Variants in GCN1 observed in about 807,000 individuals in gnomAD.
GCN1 encodes GCN1 activator of EIF2AK4.
A neutral mutation model predicts 288.4 loss-of-function variants in GCN1; 90 were observed. That is an observed-to-expected ratio of 0.31 (90% CI 0.26 to 0.37). The LOEUF (loss-of-function observed/expected upper bound fraction) is 0.37. Ranked by LOEUF, GCN1 falls within the 10% of genes least tolerant of loss-of-function variation. The probability of loss-of-function intolerance (pLI) is 1.00; values close to 1 mark genes in which losing one functional copy is unlikely to be tolerated. For missense variants in GCN1, 2,586 were observed against 3,419.9 expected (o/e 0.76, Z 6.08); for synonymous variants, 1,386 against 1,420.2 (o/e 0.98, Z 0.54).
chr12:120,146,192 A>G (rs926061403), intron 38 of GCN1, among the ~76,000 whole-genome samples: 14 of 149,562 alleles, frequency 9.4e-5, no homozygotes, highest in Non-Finnish European at 1.9e-4. Flanking sequence ...GCTTGAACCC[A>G]GGCGGCAGAG....
chr12:120,175,981 CA>C, intron 10 of GCN1, 107 bp from the exon 11 acceptor site: 3 of 1,439,488 alleles, frequency 2.1e-6, no homozygotes, highest in Non-Finnish European at 2.9e-6. Flanking sequence ...TGTTTGCTCT[CA>C]TTCAAATAAT....
rs964878315 is a variant in GCN1, at chr12:120,151,329, T to C, written c.4125A>G (p.Gly1375=). The change falls in exon 34 of 58, where the codon GGA becomes GGG. Residue 1375 remains glycine (G), a synonymous_variant. Coordinates refer to ENST00000300648, the MANE Select transcript of GCN1 (RefSeq NM_006836.2). ...PLVPAIKEDA[G]GMIQRLMQQL... is the part of the protein sequence containing the mutation. ...GCTGCATAAGCCTCTGGATCATCCC[T>C]CCAGCATCCTCCTTGATGGCTGGCA... 2 of 1,613,870 alleles carry C rather than the reference T, an allele frequency of 1.2e-6. No individual in the cohort carries two copies. Among genetic ancestry groups the C allele is most frequent in the Non-Finnish European group, 1.7e-6 (2 of 1,179,934 alleles).
At chr12:120,186,498 G>T (rs1247297852) in intron 2 of GCN1, among the ~76,000 whole-genome samples, 1 of 152,224 alleles carries the variant, frequency 6.6e-6, no homozygotes, top group Non-Finnish European at 1.5e-5. Context: ...AACCTGCAGT[G>T]TAAGACAGAC....
At position 120,153,339 on chromosome 12, in the gene GCN1, A is replaced by G. The variant is rs12312562; in HGVS notation, c.3936T>C (p.Tyr1312=). 287,271 of 1,613,882 alleles carry G rather than the reference A, an allele frequency of 0.18. 32,998 individuals are homozygous for G. The highest frequency in any genetic ancestry group is 0.54 in the East Asian group (24,250 of 44,880). The change falls in exon 33 of 58, where the codon TAT becomes TAC. Residue 1312 remains tyrosine (Y), a synonymous_variant. Transcript: ENST00000300648. The surrounding 1 kb of genome is among the most constrained non-coding windows in gnomAD (Gnocchi z 4.4). ...FLKNAPNDAS[Y]DAVRQSVVVL... ...CCACCACACTCTGTCGCACAGCATC[A>G]TAGCTGGCATCATTGGGCGCGTTCT... is the stretch of plus-strand genomic sequence containing the variant.
At position 120,149,679 on chromosome 12, in the gene GCN1, A is replaced by G. The variant is rs561407072; in HGVS notation, c.4473T>C (p.Ser1491=). The G allele has an allele frequency of 1.9e-6, 3 of 1,614,048 alleles. No individual in the cohort carries two copies. In the East Asian group the frequency reaches 6.7e-5, roughly 36 times the overall value. ...DCAKAVMSNL[S]AHGVKLVLPS... is the part of the protein sequence containing the mutation. ...GGAGCACCAGCTTCACCCCGTGAGC[A>G]CTCAAGTTGCTCATCACAGCCTTGG... Residue 1491 remains serine (S), a synonymous_variant, in exon 36 of 58, where the codon AGT becomes AGC. Coordinates refer to ENST00000300648, the MANE Select transcript of GCN1 (RefSeq NM_006836.2).
chr12:120,137,425 G>A lies in GCN1; in HGVS notation c.6664-106C>T, dbSNP rs1877044535. On this transcript the variant is annotated intron_variant, in intron 49 of 57. Transcript: ENST00000300648. This position sits in a 1 kb window ranked among gnomAD's most constrained non-coding sequence, Gnocchi z 5.2. ...CGGGAGTATAAACAAGACTTGCCAC[G>A]AGTGGGTAAACGCCGAAGCTGAGTG... 11 of 1,397,722 alleles carry A rather than the reference G, an allele frequency of 7.9e-6. No individual in the cohort carries two copies. The highest frequency in any genetic ancestry group is 2.3e-5 in the South Asian group (2 of 85,238). The allele number at this position is 1,397,722 out of a possible 1,614,324, so 86.6% of individuals were successfully genotyped here.
chr12:120,137,346 G>C lies in GCN1; in HGVS notation c.6664-27C>G. ...TGCAGGAATCCAGGAAAAAGCGAGAGGATGTACAGCCCTCTCAAGACTGCT... is the reference window on the plus strand; with the variant it reads ...TGCAGGAATCCAGGAAAAAGCGAGACGATGTACAGCCCTCTCAAGACTGCT... On this transcript the variant is annotated intron_variant, in intron 49 of 57. Transcript: ENST00000300648. This position sits in a 1 kb window ranked among gnomAD's most constrained non-coding sequence, Gnocchi z 5.2. 6.4e-7 allele frequency: 1 copy of C among 1,572,466 alleles called. No individual in the cohort carries two copies. The highest frequency in any genetic ancestry group is 8.8e-7 in the Non-Finnish European group (1 of 1,142,598).
chr12:120,148,374 C>T (rs1374621186), intron 36 of GCN1, 28 bp from the exon 37 acceptor site: 4 of 1,588,016 alleles, frequency 2.5e-6, no homozygotes, highest in Non-Finnish European at 3.4e-6. Flanking sequence ...AAGCCCAGTA[C>T]TGAATCACTG....
intron 44 of GCN1, among the ~76,000 whole-genome samples, chr12:120,141,975 C>T (rs939453124): frequency 6.6e-6 from 1 of 152,222 alleles, no homozygotes; most frequent in Non-Finnish European, 1.5e-5. Context: ...AGCTGCCTTT[C>T]TTCTCCATTG....
chr12:120,154,960 A>C lies in GCN1; in HGVS notation c.3701+10T>G, dbSNP rs766697571. 2.4e-5 allele frequency: 38 copies of C among 1,609,746 alleles called. No individual in the cohort carries two copies. Among genetic ancestry groups the C allele is most frequent in the Admixed American group, 5.0e-5 (3 of 59,998 alleles). ...GCTTGGAGTAGAACGAGGCTGAACA[A>C]TTGTTATACCTGGCTTCCCACTGAT... On this transcript the variant is annotated intron_variant, in intron 31 of 57. Transcript: ENST00000300648.
intron 2 of GCN1, among the ~76,000 whole-genome samples, chr12:120,187,248 T>C (rs1247721814): frequency 2.0e-5 from 3 of 151,766 alleles, no homozygotes; most frequent in Admixed American, 6.6e-5. Context: ...GTTTCGTTCT[T>C]GTTACCCAGG....
chr12:120,162,300 CG>C (rs1877957949), intron 20 of GCN1: 1 of 532,686 alleles, frequency 1.9e-6, no homozygotes, highest in Non-Finnish European at 3.4e-6. Flanking sequence ...TCTCAATCTC[CG>C]TGGTTCAGGT....
At chr12:120,169,580 T>C (rs1420025296) in intron 15 of GCN1, among the ~76,000 whole-genome samples, 2 of 152,146 alleles carry the variant, frequency 1.3e-5, no homozygotes, top group Non-Finnish European at 2.9e-5. Context: ...CCCAGCTCAC[T>C]GCAACCTACG....
rs1197936028 is a variant in GCN1 at position 120,170,301 on chromosome 12, G to A, written c.1387C>T (p.Leu463=). ...TGGATGAGCAAGGGCAGTAAGTCCAGGGCCTGCAACAGCGTGTCACCTGTG... is the reference window on the plus strand; with the variant it reads ...TGGATGAGCAAGGGCAGTAAGTCCAAGGCCTGCAACAGCGTGTCACCTGTG... The part of the protein sequence containing the change: ...SYRGDTLLQA[L]DLLPLLIQTV... The change falls in exon 15 of 58, where the codon CTG becomes TTG. Residue 463 remains leucine, a synonymous_variant. Coordinates refer to ENST00000300648, the MANE Select transcript of GCN1 (RefSeq NM_006836.2). The A allele has an allele frequency of 3.1e-6, 5 of 1,614,056 alleles. No homozygotes were observed. Among genetic ancestry groups the A allele is most frequent in the Non-Finnish European group, 4.2e-6 (5 of 1,180,016 alleles).
chr12:120,149,927 G>A lies in GCN1; in HGVS notation c.4426C>T (p.Arg1476Cys). The change falls in exon 35 of 58, where the codon CGT (arginine) becomes TGT (cysteine). Residue 1476 changes from arginine (R) to cysteine (C), a missense_variant. By Grantham distance (180) the Arg-to-Cys change is radical (BLOSUM62 -3). Around this residue, in one of 8 missense-constraint regions of GCN1, gnomAD observed 371 missense variants for 572.6 expected, o/e 0.65. Transcript: ENST00000300648. The part of the protein sequence containing the change: ...LCFGDGNQYV[R>C]EAADDCAKAV... ...CGAGCAGTCCGGGGACTTACCTCAC[G>A]CACATACTGGTTTCCATCCCCAAAG... 1.2e-6 allele frequency: 2 copies of A among 1,614,090 alleles called. No individual in the cohort carries two copies. Among genetic ancestry groups the A allele is most frequent in the Non-Finnish European group, 1.7e-6 (2 of 1,179,998 alleles).
intron 42 of GCN1, among the ~76,000 whole-genome samples, chr12:120,143,836 A>G (rs1009386209): frequency 1.3e-5 from 2 of 152,270 alleles, no homozygotes; most frequent in Non-Finnish European, 2.9e-5. Context: ...AAGAATCAGA[A>G]TAAAGACATT....
At chr12:120,161,061 G>C (rs1877910436) in intron 22 of GCN1, among the ~76,000 whole-genome samples, 1 of 152,130 alleles carries the variant, frequency 6.6e-6, no homozygotes, top group Non-Finnish European at 1.5e-5. Flanking sequence ...AAAGAGTCCT[G>C]TGTGCTCTGC....
rs759850509 is a variant in GCN1 at position 120,137,169 on chromosome 12, G to C, written c.6777+37C>G. On this transcript the variant is annotated intron_variant, in intron 50 of 57. Coordinates refer to ENST00000300648, the MANE Select transcript of GCN1 (RefSeq NM_006836.2). The surrounding 1 kb of genome is among the most constrained non-coding windows in gnomAD (Gnocchi z 5.2). Reference sequence around the variant, plus strand: ...AAGGGCCAGAAGGGCACAACAGACTGCACGCCCACAGCCCCCTGCACGAGG... The same window carrying C: ...AAGGGCCAGAAGGGCACAACAGACTCCACGCCCACAGCCCCCTGCACGAGG... 2 of 1,449,460 alleles carry C rather than the reference G, an allele frequency of 1.4e-6. No homozygotes were observed. The highest frequency in any genetic ancestry group is 2.8e-5 in the African/African-American group (2 of 71,696). The allele number at this position is 1,449,460 out of a possible 1,614,324, so 89.8% of individuals were successfully genotyped here. A position where few individuals can be genotyped will look rare whatever the true frequency, so the allele number is the denominator to read the frequency against.
rs577764931 is a variant in GCN1 at position 120,179,651 on chromosome 12, G to A, written c.427-701C>T. Among the ~76,000 whole-genome samples the A allele has an allele frequency of 6.6e-5, 10 of 151,956 alleles. No individual in the cohort carries two copies. The East Asian group carries it at 7.8e-4, about 12-fold the overall frequency. On this transcript the variant is annotated intron_variant, in intron 5 of 57. Coordinates refer to ENST00000300648, the MANE Select transcript of GCN1 (RefSeq NM_006836.2). ...CCTGACCTCATGATCCGCCCGCCTCGGCCTCCCAAAGTGCTGGGATTACAG... is the reference window on the plus strand; with the variant it reads ...CCTGACCTCATGATCCGCCCGCCTCAGCCTCCCAAAGTGCTGGGATTACAG...
Sources: allele counts gnomAD v4.1 joint callset (sites outside exome capture counted in the v4.1 genomes callset), GRCh38; gene constraint gnomAD v4.1.1; regional missense constraint gnomAD v4.1.1; non-coding constraint Gnocchi (gnomAD v3.1); transcripts MANE v1.5; gene names NCBI Gene and HGNC (gene_info 2026-07-23, HGNC 2026-07-21).